SERPINE2: variants seen among roughly 807,000 people sequenced by gnomAD.
SERPINE2 encodes the protein glia-derived nexin.
In SERPINE2, 14 loss-of-function variants were observed where a neutral mutation model predicts 36.3. That is an observed-to-expected ratio of 0.39 (90% confidence interval 0.25 to 0.60). The LOEUF is 0.60. SERPINE2 is among the 20% of genes least tolerant of loss of function. The pLI is 0.57. For synonymous variants in SERPINE2, 192 were observed against 191.8 expected (o/e 1.00, Z -0.01); for missense variants, 418 against 499.6 (o/e 0.84, Z 1.56).
At chr2:223,982,883 C>T (rs544953880) in intron 5 of SERPINE2, 102 bp from the exon 6 acceptor site, 2 of 748,656 alleles carry the variant, frequency 2.7e-6, no homozygotes, top group Non-Finnish European at 4.3e-6. Flanking sequence ...AAGTTAATAT[C>T]TGAATACCGA....
chr2:223,998,885 C>G (rs1430016580), intron 2 of SERPINE2, among the ~76,000 whole-genome samples: 1 of 152,130 alleles, frequency 6.6e-6, no homozygotes, highest in African/African-American at 2.4e-5. Context: ...CAGGAATATT[C>G]AAGGTGTTCT....
Position 224,032,938 on chromosome 2 carries a change from T to C in SERPINE2, c.-23+6161A>G, listed in dbSNP as rs571332967. ...CAGACCTAGAAATCTAACAGCAGAA[T>C]AAAGGCAAGACTCACTGACTGTAGA... On this transcript the variant is annotated intron_variant, in intron 1 of 8. Transcript: ENST00000409304. 1.1e-4 allele frequency among the ~76,000 whole-genome samples: 16 copies of C among 152,260 alleles called. No individual in the cohort carries two copies. The South Asian group carries it at 3.3e-3, about 32-fold the overall frequency.
chr2:223,982,952 C>T (rs1255869552), intron 5 of SERPINE2, among the ~76,000 whole-genome samples, 171 bp from the exon 6 acceptor site: 1 of 152,184 alleles, frequency 6.6e-6, no homozygotes, highest in Non-Finnish European at 1.5e-5. Flanking sequence ...TAAAGGACAA[C>T]TCCTCTCTCA....
intron 1 of SERPINE2, chr2:224,030,021 G>A (rs920036073): frequency 6.1e-6 from 6 of 982,390 alleles, no homozygotes; most frequent in East Asian, 1.1e-4. Context: ...ACATTTATTC[G>A]TTATTCACAA....
chr2:224,006,033 T>C (rs1038089690), intron 1 of SERPINE2, among the ~76,000 whole-genome samples: 1 of 152,226 alleles, frequency 6.6e-6, no homozygotes, highest in African/African-American at 2.4e-5. Context: ...TTAACCATGA[T>C]TTAACGTAGT....
intron 4 of SERPINE2, among the ~76,000 whole-genome samples, chr2:223,991,119 G>C (rs1469819258): frequency 6.6e-6 from 1 of 152,156 alleles, no homozygotes; most frequent in East Asian, 1.9e-4. Context: ...GATATCTGCT[G>C]TTTTATATCT....
At chr2:223,979,471 C>A (rs893621717) in intron 7 of SERPINE2, 6 of 152,314 alleles carry the variant, frequency 3.9e-5, no homozygotes, top group East Asian at 3.9e-4. Flanking sequence ...GTGAGTATAA[C>A]TGGTATGTTT....
chr2:223,993,607 T>C (rs1574821709), intron 3 of SERPINE2, among the ~76,000 whole-genome samples: 1 of 152,120 alleles, frequency 6.6e-6, no homozygotes, highest in Non-Finnish European at 1.5e-5. Flanking sequence ...GTTATACTAC[T>C]TTAAATGGTG....
intron 3 of SERPINE2, among the ~76,000 whole-genome samples, chr2:223,996,543 G>C (rs1690894575): frequency 6.6e-6 from 1 of 152,174 alleles, no homozygotes; most frequent in African/African-American, 2.4e-5. Flanking sequence ...TCCAACATCT[G>C]GGTGTGTAAG....
At chr2:224,024,873 C>T (rs1163470171) in intron 1 of SERPINE2, among the ~76,000 whole-genome samples, 1 of 152,158 alleles carries the variant, frequency 6.6e-6, no homozygotes, top group East Asian at 1.9e-4. Flanking sequence ...GAAACTGCAC[C>T]AACGAATCTT....
In SERPINE2 at chr2:224,036,764, C is replaced by T. The variant is rs536949534; in HGVS notation, c.-23+2335G>A. On this transcript the variant is annotated intron_variant, in intron 1 of 8. Transcript: ENST00000409304. The stretch of plus-strand genomic sequence containing the variant: ...GACCAGTTTAAGAAGCCTGGAGAGA[C>T]GTGGTTGTCACTACAGGTGAGCTGA... Among the ~76,000 whole-genome samples, 34 of 151,852 alleles carry T rather than the reference C, an allele frequency of 2.2e-4. 1 individual carries two copies. The Middle Eastern group carries it at 0.01, about 46-fold the overall frequency.
intron 3 of SERPINE2, among the ~76,000 whole-genome samples, chr2:223,994,066 C>A (rs1214057331): frequency 1.3e-5 from 2 of 152,230 alleles, no homozygotes; most frequent in African/African-American, 4.8e-5. Context: ...GTCCCCTGGA[C>A]TTCTAAATCT....
In SERPINE2 at chr2:223,982,457, G is replaced by A. The variant is rs148949357; in HGVS notation, c.985+224C>T. ...TGATCCATGTAACCAAAAACCACTTGTATCCCAAAAACTATTGAAATAAAA... is the reference window on the plus strand; with the variant it reads ...TGATCCATGTAACCAAAAACCACTTATATCCCAAAAACTATTGAAATAAAA... On this transcript the variant is annotated intron_variant, in intron 6 of 8. Coordinates refer to ENST00000409304, the MANE Select transcript of SERPINE2 (RefSeq NM_001136528.2). 4 of 407,158 alleles carry A rather than the reference G, an allele frequency of 9.8e-6. No individual in the cohort carries two copies. The East Asian group carries it at 1.8e-4, about 19-fold the overall frequency. 25.2% of individuals were successfully genotyped at this position (407,158 alleles called of 1,614,324 possible). A position where few individuals can be genotyped will look rare whatever the true frequency, so the allele number is the denominator to read the frequency against.
chr2:223,987,121 CA>C (rs1453718086), intron 4 of SERPINE2, among the ~76,000 whole-genome samples: 3 of 152,104 alleles, frequency 2.0e-5, no homozygotes, highest in Non-Finnish European at 4.4e-5. Context: ...TCCTTGACTC[CA>C]AGTCTTAGTT....
intron 1 of SERPINE2, among the ~76,000 whole-genome samples, chr2:224,035,532 CTAA>C (rs1692507222): frequency 6.6e-6 from 1 of 151,870 alleles, no homozygotes; most frequent in South Asian, 2.1e-4. Flanking sequence ...ATAGGCGCAG[CTAA>C]TTTTTGTATT....
chr2:224,012,511 G>T (rs569707730), intron 1 of SERPINE2, among the ~76,000 whole-genome samples: 1 of 151,854 alleles, frequency 6.6e-6, no homozygotes, highest in East Asian at 1.9e-4. Flanking sequence ...GCTGAGGCAG[G>T]AGAATGGCGT....
At position 223,998,126 on chromosome 2, in the gene SERPINE2, T is replaced by G. The variant is rs1690966517; in HGVS notation, c.476A>C (p.Asn159Thr). 6.2e-7 allele frequency: 1 copy of G among 1,613,822 alleles called. No individual in the cohort carries two copies. Among genetic ancestry groups the G allele is most frequent in the Admixed American group, 1.7e-5 (1 of 60,022 alleles). The change falls in exon 3 of 9, where the codon AAT becomes ACT. Residue 159 changes from asparagine to threonine, a missense_variant. By Grantham distance (65) the Asn-to-Thr change is moderately conservative. Coordinates refer to ENST00000409304, the MANE Select transcript of SERPINE2 (RefSeq NM_001136528.2). ...ACDSINAWVK[N>T]ETRDMIDNLL... ...CTGCGGCCACTCACCCCTGGTTTCA[T>G]TTTTAACCCATGCATTGATGGAATC...
chr2:223,983,145 C>G (rs1690287208), intron 5 of SERPINE2, among the ~76,000 whole-genome samples: 1 of 152,198 alleles, frequency 6.6e-6, no homozygotes, highest in South Asian at 2.1e-4. Context: ...TTATTCTTCC[C>G]CATATCCAAC....
intron 1 of SERPINE2, among the ~76,000 whole-genome samples, chr2:224,012,946 TTATA>T (rs1453907214): frequency 2.6e-5 from 4 of 152,186 alleles, no homozygotes; most frequent in African/African-American, 9.6e-5. Flanking sequence ...TGGAATCTTT[TTATA>T]TACACTAAGA....
Sources: gnomAD v4.1 joint callset for allele counts (sites outside exome capture counted in the v4.1 genomes callset) on GRCh38, gnomAD v4.1.1 for gene constraint, MANE v1.5 for transcripts, NCBI Gene and HGNC (gene_info 2026-07-23, HGNC 2026-07-21) for gene names.